The following REV3L variants were observed in gnomAD, a reference collection of about 807,000 sequenced individuals.
REV3L encodes the protein DNA polymerase zeta catalytic subunit.
REV3L carries 69 observed loss-of-function variants against 299.4 expected under a neutral mutation model. That is an observed-to-expected ratio of 0.23 (90% CI 0.19 to 0.28). The LOEUF is 0.28. Ranked by LOEUF, REV3L falls within the 10% of genes least tolerant of loss-of-function variation. The pLI, the probability that REV3L is intolerant of heterozygous loss-of-function variation, is 1.00. For missense variants in REV3L, 3,128 were observed against 3,693.8 expected (o/e 0.85, Z 3.97); for synonymous variants, 1,238 against 1,271.4 (o/e 0.97, Z 0.56).
At chr6:111,479,399 T>G (rs1361102119) in intron 1 of REV3L, among the ~76,000 whole-genome samples, 5 of 152,058 alleles carry the variant, frequency 3.3e-5, no homozygotes, top group Non-Finnish European at 7.4e-5. Flanking sequence ...AAAAATTCCA[T>G]AACTCAGATG....
chr6:111,441,784 A>AT (rs1245388952), intron 1 of REV3L, among the ~76,000 whole-genome samples: 1 of 152,150 alleles, frequency 6.6e-6, no homozygotes, highest in East Asian at 1.9e-4. Flanking sequence ...AACTCTTTAC[A>AT]TAGTGTGAGT....
chr6:111,318,229 AGG>A (rs1773745262), intron 26 of REV3L, among the ~76,000 whole-genome samples: 2 of 151,992 alleles, frequency 1.3e-5, no homozygotes, highest in Admixed American at 1.3e-4. Context: ...CTGGGACTAC[AGG>A]GGCCTACCAC....
chr6:111,423,993 T>C (rs1785877165), intron 1 of REV3L, among the ~76,000 whole-genome samples: 1 of 152,214 alleles, frequency 6.6e-6, no homozygotes. Context: ...GAAAGAGATC[T>C]GAGCTAGAGA....
intron 1 of REV3L, among the ~76,000 whole-genome samples, chr6:111,446,446 AC>A (rs1002455557): frequency 6.6e-6 from 1 of 152,142 alleles, no homozygotes; most frequent in African/African-American, 2.4e-5. Flanking sequence ...GCTCACGCTT[AC>A]AATCCCAGCG....
chr6:111,333,519 A>G, intron 22 of REV3L, 152 bp from the exon 23 acceptor site: 2 of 1,009,904 alleles, frequency 2.0e-6, no homozygotes, highest in Non-Finnish European at 2.8e-6. Context: ...TTGTTGCCCA[A>G]GCTGGAGTAC....
chr6:111,438,554 CAAGA>C (rs1787870039), intron 1 of REV3L, among the ~76,000 whole-genome samples: 1 of 142,282 alleles, frequency 7.0e-6, no homozygotes, highest in African/African-American at 2.6e-5. Context: ...AATAAACTAA[CAAGA>C]AAGAACTGTT....
At chr6:111,437,676 T>C (rs1299922725) in intron 1 of REV3L, among the ~76,000 whole-genome samples, 3 of 152,088 alleles carry the variant, frequency 2.0e-5, no homozygotes, top group African/African-American at 7.2e-5. Flanking sequence ...TAATGGTTGC[T>C]GGGGCTTAGG....
chr6:111,441,557 C>T (rs1788268171), intron 1 of REV3L, among the ~76,000 whole-genome samples: 2 of 152,186 alleles, frequency 1.3e-5, no homozygotes, highest in South Asian at 4.1e-4. Flanking sequence ...AGCCACTCAT[C>T]TGTTCTTGTA....
intron 1 of REV3L, among the ~76,000 whole-genome samples, chr6:111,418,826 G>C (rs1785027005): frequency 6.6e-6 from 1 of 152,038 alleles, no homozygotes; most frequent in Non-Finnish European, 1.5e-5. Flanking sequence ...GTGTTCAAAT[G>C]AACACTATGT....
chr6:111,345,770 T>C (rs1342307997), intron 20 of REV3L, among the ~76,000 whole-genome samples: 1 of 151,946 alleles, frequency 6.6e-6, no homozygotes, highest in African/African-American at 2.4e-5. Flanking sequence ...TTCCTGCTGC[T>C]GCCGCCTTTT....
At chr6:111,300,548 G>A (rs553646899) in intron 31 of REV3L, among the ~76,000 whole-genome samples, 5 of 152,138 alleles carry the variant, frequency 3.3e-5, no homozygotes, top group South Asian at 2.1e-4. Flanking sequence ...ACTCTTTTTC[G>A]TATTCCAGAA....
chr6:111,439,355 C>T (rs1397932720), intron 1 of REV3L, among the ~76,000 whole-genome samples: 1 of 152,074 alleles, frequency 6.6e-6, no homozygotes, highest in Admixed American at 6.6e-5. Flanking sequence ...GGTGGTGGTT[C>T]AAGAAGTTGT....
At chr6:111,305,529 A>G (rs240997) in intron 31 of REV3L, among the ~76,000 whole-genome samples, 145,405 of 152,144 alleles carry the variant, frequency 0.96, 69,627 homozygotes, top group East Asian at 1. Flanking sequence ...TGAGGCTGCA[A>G]TGAGCTGTAA....
At chr6:111,330,062 G>C (rs1775234386) in intron 24 of REV3L, among the ~76,000 whole-genome samples, 1 of 152,122 alleles carries the variant, frequency 6.6e-6, no homozygotes, top group Non-Finnish European at 1.5e-5. Context: ...TCGAAACTTT[G>C]ACAGAAACCC....
At chr6:111,460,614 T>C (rs1465864625) in intron 1 of REV3L, among the ~76,000 whole-genome samples, 1 of 152,022 alleles carries the variant, frequency 6.6e-6, no homozygotes, top group Non-Finnish European at 1.5e-5. Context: ...ACTTGGCCTA[T>C]AAGAAATGTT....
upstream of REV3L, chr6:111,483,594 C>G (rs573182305): frequency 2.8e-4 from 127 of 456,860 alleles, no homozygotes; most frequent in African/African-American, 2.3e-3. Flanking sequence ...GATGCTCACA[C>G]TTGCCTCGCC....
At chr6:111,392,051 A>G (rs1392257043) in intron 5 of REV3L, among the ~76,000 whole-genome samples, 2 of 152,262 alleles carry the variant, frequency 1.3e-5, no homozygotes, top group African/African-American at 4.8e-5. Context: ...TGAAGTATCA[A>G]ATTTAAAAAT....
At chr6:111,314,849 CTTTT>C (rs398066168) in intron 27 of REV3L, among the ~76,000 whole-genome samples, 4 of 132,592 alleles carry the variant, frequency 3.0e-5, no homozygotes, top group Non-Finnish European at 3.2e-5. Context: ...TATTTAAATA[CTTTT>C]TTTTTTTTTT....
intron 1 of REV3L, among the ~76,000 whole-genome samples, chr6:111,438,043 AGAGACAGGG>A (rs1787806653): frequency 6.7e-6 from 1 of 149,254 alleles, no homozygotes; most frequent in East Asian, 1.9e-4. Context: ...TATTTTTTAT[AGAGACAGGG>A]TCTCGCTAAG....
Sources: allele counts gnomAD v4.1 joint callset (sites outside exome capture counted in the v4.1 genomes callset), GRCh38; gene constraint gnomAD v4.1.1; transcripts MANE v1.5; gene names NCBI Gene and HGNC (gene_info 2026-07-23, HGNC 2026-07-21).